NLRC5: variants seen among roughly 807,000 people sequenced by gnomAD.
NLRC5 encodes the protein NLR family CARD domain containing 5, also known as protein NLRC5.
Under a neutral mutation model 206.9 loss-of-function variants are expected in NLRC5, and 114 were observed. The ratio of observed to expected loss-of-function variants is 0.55; its 90% confidence interval spans 0.47 to 0.64. NLRC5 has a LOEUF of 0.64. NLRC5 is among the 30% of genes least tolerant of loss of function. NLRC5 has a pLI of 0.00. For synonymous variants in NLRC5, 952 were observed against 962.8 expected (o/e 0.99, Z 0.21); for missense variants, 2,008 against 2,305.5 (o/e 0.87, Z 2.64).
chr16:57,040,499 A>G (rs1567584374), intron 16 of NLRC5, 151 bp from the exon 17 acceptor site: 3 of 682,810 alleles, frequency 4.4e-6, no homozygotes, highest in Non-Finnish European at 7.8e-6. Flanking sequence ...AGGGTCACAC[A>G]ACCAGGAAGT....
chr16:57,003,140 G>A (rs1016820864), intron 1 of NLRC5, among the ~76,000 whole-genome samples: 59 of 151,978 alleles, frequency 3.9e-4, no homozygotes, highest in Admixed American at 2.9e-3. Flanking sequence ...GCTCACTGCC[G>A]CCTCCGTCTC....
At chr16:57,044,971 A>G (rs1037218928) in intron 20 of NLRC5, among the ~76,000 whole-genome samples, 1 of 151,738 alleles carries the variant, frequency 6.6e-6, no homozygotes, top group African/African-American at 2.4e-5. Flanking sequence ...TTGGGAGGCT[A>G]AGGCAGGAGG....
chr16:57,080,636 C>T (rs879575873), intron 46 of NLRC5, among the ~76,000 whole-genome samples: 1 of 152,018 alleles, frequency 6.6e-6, no homozygotes, highest in African/African-American at 2.4e-5. Flanking sequence ...AAGTGCCCAC[C>T]ACCACACCCA....
intron 1 of NLRC5, among the ~76,000 whole-genome samples, chr16:56,994,799 C>T (rs781234740): frequency 1.3e-5 from 2 of 152,172 alleles, no homozygotes; most frequent in Non-Finnish European, 2.9e-5. Context: ...GGAGAAAATG[C>T]TGCTTAAAGT....
chr16:57,054,309 T>C (rs1012421068), intron 24 of NLRC5, among the ~76,000 whole-genome samples: 141 of 152,186 alleles, frequency 9.3e-4, no homozygotes, highest in African/African-American at 3.3e-3. Flanking sequence ...GTGCTAAGGT[T>C]TAAAAACTGT....
chr16:57,052,713 G>A (rs943339378), intron 24 of NLRC5: 3 of 152,058 alleles, frequency 2.0e-5, no homozygotes, highest in African/African-American at 7.3e-5. Context: ...GGGAGGGAGG[G>A]AGGAGACGTG....
intron 24 of NLRC5, among the ~76,000 whole-genome samples, chr16:57,051,850 G>A (rs7194740): frequency 0.25 from 37,957 of 151,914 alleles, 4,941 homozygotes; most frequent in Middle Eastern, 0.35. Context: ...AACCTCAGGG[G>A]GCGTCGTTTG....
intron 32 of NLRC5, among the ~76,000 whole-genome samples, chr16:57,064,859 G>A (rs1189301207): frequency 2.6e-5 from 4 of 152,156 alleles, no homozygotes; most frequent in African/African-American, 2.4e-5. Flanking sequence ...AGGAGGCAGA[G>A]GTTGCAGTGA....
intron 1 of NLRC5, among the ~76,000 whole-genome samples, chr16:57,007,711 AG>A (rs373553146): frequency 2.6e-4 from 40 of 152,348 alleles, no homozygotes; most frequent in African/African-American, 9.6e-4. Context: ...CCTGGGCAAC[AG>A]AGTGAGACTC....
At chr16:57,020,009 G>C (rs1247605197) in intron 2 of NLRC5, among the ~76,000 whole-genome samples, 3 of 152,064 alleles carry the variant, frequency 2.0e-5, no homozygotes, top group Middle Eastern at 3.2e-3. Flanking sequence ...GAGTAGGGAG[G>C]GGGTGCAGAA....
In NLRC5 at chr16:57,079,092, G is replaced by A; in HGVS notation, c.5124G>A (p.Leu1708=). 6.2e-7 allele frequency: 1 copy of A among 1,614,140 alleles called. No homozygotes were observed. Among genetic ancestry groups the A allele is most frequent in the African/African-American group, 1.3e-5 (1 of 75,066 alleles). Residue 1708 remains leucine (L), a synonymous_variant, in exon 44 of 49, where the codon CTG becomes CTA. Transcript: ENST00000688547. ...SHLGPGGALS[L]AQALDGSPHL... ...TGGGCCCAGGTGGGGCCCTGAGCCT[G>A]GCCCAGGCCCTGGATGGATCCCCCC...
At chr16:57,050,907 C>T (rs1446379988) in intron 23 of NLRC5, among the ~76,000 whole-genome samples, 1 of 152,130 alleles carries the variant, frequency 6.6e-6, no homozygotes, top group Non-Finnish European at 1.5e-5. Flanking sequence ...GGCTGGAGTG[C>T]AGTGGTACGA....
At chr16:57,079,462 C>A in intron 45 of NLRC5, 84 bp from the exon 46 acceptor site, 2 of 1,380,250 alleles carry the variant, frequency 1.4e-6, no homozygotes, top group Non-Finnish European at 2.1e-6. Context: ...TTACCCCAGA[C>A]CCTGGTGGCT....
intron 30 of NLRC5, 147 bp downstream of exon 30, chr16:57,059,679 C>T (rs2066163023): frequency 1.4e-6 from 1 of 733,428 alleles, no homozygotes; most frequent in Admixed American, 3.5e-5. Flanking sequence ...TCCTCCAGAT[C>T]TGCCCCCGAT....
rs1430301801 is a variant in NLRC5, at chr16:57,079,305, C to T, written c.5237+13C>T. On this transcript the variant is annotated intron_variant, in intron 45 of 48. Transcript: ENST00000688547. Reference sequence around the variant, plus strand: ...TCAGACAGATAGAGTAAGTAGCCTCCCCTGCCTGCCTAGGGGACCAGTGGC... The same window carrying T: ...TCAGACAGATAGAGTAAGTAGCCTCTCCTGCCTGCCTAGGGGACCAGTGGC... 5.6e-6 allele frequency: 9 copies of T among 1,612,932 alleles called. No individual in the cohort carries two copies. The Admixed American group carries it at 1.3e-4, about 24-fold the overall frequency.
intron 11 of NLRC5, among the ~76,000 whole-genome samples, chr16:57,032,029 C>T (rs1223668558): frequency 7.9e-5 from 12 of 152,046 alleles, no homozygotes; most frequent in Non-Finnish European, 1.8e-4. Flanking sequence ...CTGGCTAAGA[C>T]TCAGAGACAG....
intron 43 of NLRC5, among the ~76,000 whole-genome samples, chr16:57,078,479 T>TTTTTTG (rs2068715547): frequency 6.8e-6 from 1 of 146,310 alleles, no homozygotes; most frequent in South Asian, 2.2e-4. Flanking sequence ...TTTTTTTTTT[T>TTTTTTG]TTTTTTTTTT....
At position 57,008,323 on chromosome 16, in the gene NLRC5, AAATGT is replaced by A. The variant is rs550357800; in HGVS notation, c.-127-8743_-127-8739del. ...TTGTCGTGAAACATAACACATAGAAAAATGTAATGTAAGTGTACAACTTCATGAAT... is the reference window on the plus strand; with the variant it reads ...TTGTCGTGAAACATAACACATAGAAAAATGTAAGTGTACAACTTCATGAAT... On this transcript the variant is annotated intron_variant, in intron 1 of 48. Coordinates refer to ENST00000688547, the MANE Select transcript of NLRC5 (RefSeq NM_001384950.1). Among the ~76,000 whole-genome samples the A allele has an allele frequency of 3.4e-4, 52 of 152,384 alleles. No homozygotes were observed. In the East Asian group the frequency reaches 9.2e-3, roughly 27 times the overall value.
chr16:57,016,049 T>C (rs1468523227), intron 1 of NLRC5, among the ~76,000 whole-genome samples: 1 of 151,536 alleles, frequency 6.6e-6, no homozygotes, highest in Non-Finnish European at 1.5e-5. Context: ...ACCTAGTCTC[T>C]ACTAAAAATA....
Sources: allele counts gnomAD v4.1 joint callset (sites outside exome capture counted in the v4.1 genomes callset), GRCh38; gene constraint gnomAD v4.1.1; transcripts MANE v1.5; gene names NCBI Gene and HGNC (gene_info 2026-07-23, HGNC 2026-07-21).